LINGO2: variants seen among roughly 807,000 people sequenced by gnomAD.
The protein encoded by LINGO2 is leucine rich repeat and Ig domain containing 2, also known as leucine-rich repeat and immunoglobulin-like domain-containing nogo receptor-interacting protein 2.
LINGO2 carries 14 observed loss-of-function variants against 30.6 expected under a neutral mutation model. The ratio of observed to expected loss-of-function variants is 0.46; its 90% CI spans 0.30 to 0.72. The LOEUF is 0.72. Ranked by LOEUF, LINGO2 falls within the 30% of genes least tolerant of loss-of-function variation. LINGO2 has a pLI of 0.07. For synonymous variants in LINGO2, 317 were observed against 288.5 expected (o/e 1.10, Z -1.00); for missense variants, 729 against 751.7 (o/e 0.97, Z 0.35).
chr9:28,123,408 T>A (rs950881313), intron 4 of LINGO2, among the ~76,000 whole-genome samples: 7 of 152,176 alleles, frequency 4.6e-5, no homozygotes, highest in African/African-American at 1.7e-4. Context: ...CAGCAGTGTC[T>A]TCCTGTTTCT....
chr9:28,185,755 G>T (rs1819518598), intron 4 of LINGO2, among the ~76,000 whole-genome samples: 1 of 152,074 alleles, frequency 6.6e-6, no homozygotes, highest in African/African-American at 2.4e-5. Flanking sequence ...TTACAGTCCA[G>T]GAGAATGATA....
At chr9:28,454,434 T>C (rs1824764578) in intron 2 of LINGO2, among the ~76,000 whole-genome samples, 2 of 151,998 alleles carry the variant, frequency 1.3e-5, no homozygotes, top group Non-Finnish European at 2.9e-5. Flanking sequence ...ATATAACACC[T>C]GCAGAATAAT....
chr9:28,511,203 A>G (rs891520328), intron 1 of LINGO2, among the ~76,000 whole-genome samples: 1 of 152,218 alleles, frequency 6.6e-6, no homozygotes, highest in African/African-American at 2.4e-5. Context: ...AATTGGCAGA[A>G]GCATTATGTG....
At chr9:28,565,471 C>T (rs996419522) in intron 1 of LINGO2, among the ~76,000 whole-genome samples, 2 of 151,496 alleles carry the variant, frequency 1.3e-5, no homozygotes, top group African/African-American at 4.8e-5. Flanking sequence ...AGGCGTGAGG[C>T]ATCATGCCTG....
At chr9:28,522,507 T>G (rs1038810112) in intron 1 of LINGO2, among the ~76,000 whole-genome samples, 6 of 152,068 alleles carry the variant, frequency 3.9e-5, no homozygotes, top group African/African-American at 1.4e-4. Context: ...TCCATCAGAG[T>G]AGCACCAGAA....
At chr9:28,324,548 C>G (rs986535272) in intron 3 of LINGO2, among the ~76,000 whole-genome samples, 3 of 152,112 alleles carry the variant, frequency 2.0e-5, no homozygotes, top group African/African-American at 7.2e-5. Flanking sequence ...CAAAACCCAC[C>G]AAAACTAAGA....
At chr9:29,145,849 C>T in the LINGO2 span, among the ~76,000 whole-genome samples, 3 of 152,172 alleles carry the variant, frequency 2.0e-5, no homozygotes, top group East Asian at 3.9e-4. Context: ...TAAATAATTG[C>T]ATATTATAGA....
At chr9:28,998,333 GC>G in the LINGO2 span, among the ~76,000 whole-genome samples, 2 of 152,140 alleles carry the variant, frequency 1.3e-5, no homozygotes, top group African/African-American at 4.8e-5. Context: ...TGAAATATGT[GC>G]CATGTGGGAT....
chr9:28,340,150 T>A (rs1313641699), intron 3 of LINGO2, among the ~76,000 whole-genome samples: 1 of 152,208 alleles, frequency 6.6e-6, no homozygotes, highest in East Asian at 1.9e-4. Flanking sequence ...TAAGGTTAAA[T>A]TCTGACACTA....
At chr9:28,759,449 G>A in the LINGO2 span, among the ~76,000 whole-genome samples, 9 of 151,982 alleles carry the variant, frequency 5.9e-5, no homozygotes, top group South Asian at 4.1e-4. Context: ...TTGGGAGGAC[G>A]AGGCGGGTGG....
chr9:28,039,886 A>AC (rs563971632), intron 4 of LINGO2, among the ~76,000 whole-genome samples: 1 of 151,864 alleles, frequency 6.6e-6, no homozygotes, highest in Non-Finnish European at 1.5e-5. Flanking sequence ...TCTCTGACCC[A>AC]CCCCCTTGTG....
chr9:28,595,906 C>T (rs1825152005), intron 1 of LINGO2, among the ~76,000 whole-genome samples: 1 of 152,050 alleles, frequency 6.6e-6, no homozygotes, highest in Admixed American at 6.6e-5. Context: ...AAGATACTAG[C>T]TAAAATGGGA....
chr9:28,792,783 AG>A, the LINGO2 span, among the ~76,000 whole-genome samples: 1 of 152,142 alleles, frequency 6.6e-6, no homozygotes, highest in Non-Finnish European at 1.5e-5. Context: ...GAAGATTTTG[AG>A]TGGCAGAAAA....
the LINGO2 span, among the ~76,000 whole-genome samples, chr9:28,735,658 TTAAAAAG>T: frequency 6.6e-6 from 1 of 152,122 alleles, no homozygotes; most frequent in Non-Finnish European, 1.5e-5. Flanking sequence ...TGAAAACTCT[TTAAAAAG>T]AATAATAATT....
chr9:27,965,408 T>C (rs2118656503), intron 5 of LINGO2, among the ~76,000 whole-genome samples: 1 of 151,396 alleles, frequency 6.6e-6, no homozygotes, highest in South Asian at 2.1e-4. Context: ...CCAGTAACGC[T>C]TCCTTTTAAA....
chr9:28,694,087 C>CTCTTATGTAAG, the LINGO2 span, among the ~76,000 whole-genome samples: 1 of 151,360 alleles, frequency 6.6e-6, no homozygotes, highest in Non-Finnish European at 1.5e-5. Context: ...CAGTTAAAAA[C>CTCTTATGTAAG]TCTTATGTAA....
chr9:28,884,985 ATAATAATATAT>A, the LINGO2 span, among the ~76,000 whole-genome samples: 2,025 of 8,638 alleles, frequency 0.23, 361 homozygotes, highest in Non-Finnish European at 0.29. Context: ...TATATAATAT[ATAATAATATAT>A]TATATATATA....
At chr9:27,998,246 C>T (rs906947332) in intron 5 of LINGO2, among the ~76,000 whole-genome samples, 1 of 152,262 alleles carries the variant, frequency 6.6e-6, no homozygotes, top group Non-Finnish European at 1.5e-5. Context: ...CATATGAAAC[C>T]TTTCAGCCTC....
At chr9:27,992,589 G>A (rs1024548526) in intron 5 of LINGO2, among the ~76,000 whole-genome samples, 4 of 151,800 alleles carry the variant, frequency 2.6e-5, no homozygotes, top group African/African-American at 9.7e-5. Context: ...AGGAGGGAGT[G>A]ATCAATGCAA....
Sources: gnomAD v4.1 joint callset for allele counts (sites outside exome capture counted in the v4.1 genomes callset) on GRCh38, gnomAD v4.1.1 for gene constraint, MANE v1.5 for transcripts, NCBI Gene and HGNC (gene_info 2026-07-23, HGNC 2026-07-21) for gene names.